The following SNTB1 variants were observed in gnomAD, a reference collection of about 807,000 sequenced individuals.
SNTB1 encodes the protein beta-1-syntrophin.
Under a neutral mutation model 48.9 loss-of-function variants are expected in SNTB1, and 36 were observed. The observed-to-expected ratio is 0.74, with a 90% CI of 0.56 to 0.97. The LOEUF (loss-of-function observed/expected upper bound fraction) is 0.97, where lower values mean the gene tolerates loss of function less well. SNTB1 is among the 50% of genes least tolerant of loss of function. The pLI is 0.00. For missense variants in SNTB1, 786 were observed against 703.4 expected (o/e 1.12, Z -1.33); for synonymous variants, 299 against 294.6 (o/e 1.01, Z -0.15).
At chr8:120,666,670 C>A (rs1817677382) in intron 2 of SNTB1, among the ~76,000 whole-genome samples, 1 of 152,040 alleles carries the variant, frequency 6.6e-6, no homozygotes, top group African/African-American at 2.4e-5. Flanking sequence ...GCCATTATTT[C>A]TTCAAATGAT....
intron 3 of SNTB1, among the ~76,000 whole-genome samples, chr8:120,627,844 G>A (rs1357783209): frequency 2.0e-5 from 3 of 152,104 alleles, no homozygotes; most frequent in Non-Finnish European, 4.4e-5. Flanking sequence ...GGAAAGTGCT[G>A]GACTTTGGAG....
At chr8:120,580,456 C>T (rs1816026934) in intron 3 of SNTB1, among the ~76,000 whole-genome samples, 1 of 152,148 alleles carries the variant, frequency 6.6e-6, no homozygotes, top group East Asian at 1.9e-4. Context: ...ATAAAACTTC[C>T]TACATGATGG....
chr8:120,810,494 C>T (rs1021653698), intron 1 of SNTB1, among the ~76,000 whole-genome samples: 8 of 152,194 alleles, frequency 5.3e-5, no homozygotes, highest in African/African-American at 1.9e-4. Flanking sequence ...TTTACAAATG[C>T]AAAGTTGTTT....
chr8:120,725,632 C>G (rs1046183717), intron 1 of SNTB1, among the ~76,000 whole-genome samples: 2 of 152,074 alleles, frequency 1.3e-5, no homozygotes, highest in African/African-American at 4.8e-5. Context: ...AATTTTGCAC[C>G]AACCTAATAA....
chr8:120,654,946 C>G (rs1461307719), intron 2 of SNTB1: 1 of 456,026 alleles, frequency 2.2e-6, no homozygotes. Context: ...GTCTTGCTGG[C>G]TTGCAGCAAC....
intron 1 of SNTB1, among the ~76,000 whole-genome samples, chr8:120,708,346 A>G (rs900213644): frequency 6.6e-6 from 1 of 151,950 alleles, no homozygotes; most frequent in Admixed American, 6.5e-5. Context: ...AAATACTAGA[A>G]CCAGAGCTTA....
At chr8:120,698,931 T>C (rs1587097887) in intron 1 of SNTB1, among the ~76,000 whole-genome samples, 1 of 152,250 alleles carries the variant, frequency 6.6e-6, no homozygotes, top group African/African-American at 2.4e-5. Flanking sequence ...AGGGAAGGTG[T>C]TGCCTAAGAA....
intron 3 of SNTB1, among the ~76,000 whole-genome samples, chr8:120,623,326 ACCTGGTT>A (rs1180682269): frequency 2.0e-5 from 3 of 152,176 alleles, no homozygotes; most frequent in Non-Finnish European, 4.4e-5. Context: ...TGGTGAGTTA[ACCTGGTT>A]CCATTGATAT....
intron 3 of SNTB1, among the ~76,000 whole-genome samples, chr8:120,616,063 T>C (rs1222489542): frequency 1.3e-5 from 2 of 152,128 alleles, no homozygotes; most frequent in African/African-American, 4.8e-5. Flanking sequence ...TCTTATCACC[T>C]TTTCCTGGAG....
intron 5 of SNTB1, 42 bp from the exon 6 acceptor site, chr8:120,542,042 T>G: frequency 6.6e-7 from 1 of 1,517,366 alleles, no homozygotes; most frequent in South Asian, 1.2e-5. Flanking sequence ...GTATGAACCA[T>G]GGCAATCAAT....
At chr8:120,731,244 C>T (rs1333327104) in intron 1 of SNTB1, among the ~76,000 whole-genome samples, 2 of 152,118 alleles carry the variant, frequency 1.3e-5, no homozygotes, top group Non-Finnish European at 2.9e-5. Context: ...TATACCCTGC[C>T]CATTTCAGCT....
At chr8:120,774,646 CTTGTTTGTTTGT>C (rs199561190) in intron 1 of SNTB1, among the ~76,000 whole-genome samples, 1 of 151,830 alleles carries the variant, frequency 6.6e-6, no homozygotes, top group Middle Eastern at 3.2e-3. Context: ...GGTTTGTTTG[CTTGTTTGTTTGT>C]TTGTTTGTTT....
chr8:120,562,260 G>A lies in SNTB1; in HGVS notation c.1136+12826C>T, dbSNP rs566229886. 1.4e-4 allele frequency among the ~76,000 whole-genome samples: 21 copies of A among 152,282 alleles called. No individual in the cohort carries two copies. In the South Asian group the frequency reaches 1.7e-3, roughly 12 times the overall value. Reference sequence around the variant, plus strand: ...CTATCAATCACTGTATAAAATGGAAGATACTACCGCCCCCTTTGTTCAGAT... The same window carrying A: ...CTATCAATCACTGTATAAAATGGAAAATACTACCGCCCCCTTTGTTCAGAT... On this transcript the variant is annotated intron_variant, in intron 4 of 6. Transcript: ENST00000517992.
intron 4 of SNTB1, among the ~76,000 whole-genome samples, chr8:120,574,640 A>T (rs1563821183): frequency 6.6e-6 from 1 of 152,204 alleles, no homozygotes; most frequent in Non-Finnish European, 1.5e-5. Context: ...CATGGAACTG[A>T]GAAATAACTT....
intron 2 of SNTB1, among the ~76,000 whole-genome samples, chr8:120,639,547 A>C (rs1273992198): frequency 4.6e-5 from 7 of 152,058 alleles, no homozygotes; most frequent in Non-Finnish European, 1.5e-5. Context: ...TATTGAATTA[A>C]TTTTTGTATA....
At chr8:120,554,102 T>C (rs868825178) in intron 4 of SNTB1, among the ~76,000 whole-genome samples, 1 of 152,196 alleles carries the variant, frequency 6.6e-6, no homozygotes, top group South Asian at 2.1e-4. Context: ...AGAAATCGAT[T>C]CCCGGGGAGG....
intron 3 of SNTB1, among the ~76,000 whole-genome samples, chr8:120,626,665 T>C (rs568499422): frequency 1.4e-4 from 22 of 152,290 alleles, no homozygotes; most frequent in Middle Eastern, 3.4e-3. Context: ...CTTTCTAAGT[T>C]TGGATCAGCT....
At chr8:120,639,084 C>G (rs1165219073) in intron 2 of SNTB1, among the ~76,000 whole-genome samples, 1 of 152,228 alleles carries the variant, frequency 6.6e-6, no homozygotes, top group African/African-American at 2.4e-5. Flanking sequence ...GATCGCCATT[C>G]TAACTGGTGT....
intron 2 of SNTB1, among the ~76,000 whole-genome samples, chr8:120,682,603 CT>C (rs1817949888): frequency 6.6e-6 from 1 of 152,198 alleles, no homozygotes; most frequent in South Asian, 2.1e-4. Flanking sequence ...GAATCTAAGG[CT>C]AACATCACCT....
Sources: allele counts gnomAD v4.1 joint callset (sites outside exome capture counted in the v4.1 genomes callset), GRCh38; gene constraint gnomAD v4.1.1; transcripts MANE v1.5; gene names NCBI Gene and HGNC (gene_info 2026-07-23, HGNC 2026-07-21).